Variants in TAX1BP1 observed in about 807,000 individuals in gnomAD.
TAX1BP1 encodes tax1-binding protein 1.
A neutral mutation model predicts 97.7 loss-of-function variants in TAX1BP1; 62 were observed. The ratio of observed to expected loss-of-function variants is 0.63; its 90% confidence interval spans 0.52 to 0.78. The LOEUF is 0.78. Among genes scored for constraint, TAX1BP1 ranks in the 30% least tolerant of loss-of-function variants. The pLI is 0.00. For synonymous variants in TAX1BP1, 340 were observed against 304.2 expected, an observed-to-expected ratio of 1.12 and a Z score of -1.23; for missense variants, 867 against 916.1, an observed-to-expected ratio of 0.95 and a Z score of 0.69.
At chr7:27,747,197 T>C (rs1294841018) in intron 1 of TAX1BP1, among the ~76,000 whole-genome samples, 1 of 152,204 alleles carries the variant, frequency 6.6e-6, no homozygotes, top group Non-Finnish European at 1.5e-5. Context: ...TAGTTTCTTA[T>C]GTGTATTGTA....
chr7:27,766,163 G>A (rs1788625107), intron 4 of TAX1BP1, 142 bp downstream of exon 4: 2 of 795,354 alleles, frequency 2.5e-6, no homozygotes, highest in African/African-American at 1.7e-5. Context: ...GCTCACGCCT[G>A]TAATCCCGGC....
In TAX1BP1 at chr7:27,827,706, T is replaced by C. The variant is rs769414946; in HGVS notation, c.2086-32T>C. The C allele has an allele frequency of 5.7e-6, 9 of 1,579,386 alleles. No homozygotes were observed. The South Asian group carries it at 1.0e-4, about 18-fold the overall frequency. ...AGGAATTTATATTTGGTTTTACTTT[T>C]CTTAAAAGTTCCAAAATTATTTTTC... On this transcript the variant is annotated intron_variant, in intron 15 of 16. Transcript: ENST00000396319.
In TAX1BP1 at chr7:27,806,330, C is replaced by T. The variant is rs111787146; in HGVS notation, c.1764+6240C>T. On this transcript the variant is annotated intron_variant, in intron 13 of 16. Coordinates refer to ENST00000396319, the MANE Select transcript of TAX1BP1 (RefSeq NM_006024.7). The stretch of plus-strand genomic sequence containing the variant: ...CAAACTCCTGACCTCAGGTGATCCA[C>T]CCGCCTCAGCCTTCCAAAGTGCTGG... Among the ~76,000 whole-genome samples the T allele has an allele frequency of 7.5e-3, 1,140 of 152,194 alleles. 15 individuals carry two copies. Among genetic ancestry groups the T allele is most frequent in the African/African-American group, 0.026 (1,095 of 41,534 alleles).
At chr7:27,743,679 C>A (rs1476116228) in intron 1 of TAX1BP1, among the ~76,000 whole-genome samples, 16 of 151,928 alleles carry the variant, frequency 1.1e-4, no homozygotes, top group Non-Finnish European at 2.9e-5. Flanking sequence ...GTTTTATTAC[C>A]CCCTCTAACA....
At chr7:27,816,811 C>T (rs923873765) in intron 14 of TAX1BP1, 79 bp from the exon 15 acceptor site, 137 of 1,514,878 alleles carry the variant, frequency 9.0e-5, no homozygotes, top group Non-Finnish European at 1.1e-4. Flanking sequence ...TTCTTTATAT[C>T]CTGTTCATCA....
chr7:27,744,743 T>A lies in TAX1BP1; in HGVS notation c.-7-3775T>A, dbSNP rs1787756005. On this transcript the variant is annotated intron_variant, in intron 1 of 16. Coordinates refer to ENST00000396319, the MANE Select transcript of TAX1BP1 (RefSeq NM_006024.7). ...GGGCTTGAAAAAGTTACAAGAGGAG[T>A]AAGTAAAGATAACATTGAAATGCTT... Among the ~76,000 whole-genome samples the A allele has an allele frequency of 2.0e-5, 3 of 151,894 alleles. No individual in the cohort carries two copies. The South Asian group carries it at 6.2e-4, about 32-fold the overall frequency.
chr7:27,800,206 T>A, intron 13 of TAX1BP1, 116 bp downstream of exon 13: 1 of 1,020,428 alleles, frequency 9.8e-7, no homozygotes, highest in Non-Finnish European at 1.3e-6. Context: ...TAGTTTTTTC[T>A]ACAAATAAAA....
At chr7:27,811,004 G>A (rs773685613) in intron 13 of TAX1BP1, among the ~76,000 whole-genome samples, 4 of 151,632 alleles carry the variant, frequency 2.6e-5, no homozygotes, top group African/African-American at 4.8e-5. Flanking sequence ...ATCTCTATAC[G>A]AGACCACTTA....
At chr7:27,769,050 T>G (rs942752013) in intron 4 of TAX1BP1, among the ~76,000 whole-genome samples, 6 of 151,944 alleles carry the variant, frequency 3.9e-5, no homozygotes, top group Non-Finnish European at 5.9e-5. Flanking sequence ...AACTATTAGC[T>G]GTTCCCATAA....
At chr7:27,821,316 A>C (rs1410286862) in intron 15 of TAX1BP1, among the ~76,000 whole-genome samples, 1 of 152,158 alleles carries the variant, frequency 6.6e-6, no homozygotes, top group Admixed American at 6.6e-5. Flanking sequence ...TAAACTATTT[A>C]AAATTCAGGC....
At chr7:27,770,532 G>A (rs1788806515) in intron 5 of TAX1BP1, among the ~76,000 whole-genome samples, 1 of 152,008 alleles carries the variant, frequency 6.6e-6, no homozygotes, top group East Asian at 1.9e-4. Context: ...CAGTAGAGCC[G>A]GTTGGGCATA....
chr7:27,776,980 A>G (rs1425491534), intron 5 of TAX1BP1, among the ~76,000 whole-genome samples: 1 of 151,954 alleles, frequency 6.6e-6, no homozygotes, highest in African/African-American at 2.4e-5. Flanking sequence ...TTTCATTCCT[A>G]GAAGTTTGAT....
At chr7:27,772,705 G>A (rs1788889664) in intron 5 of TAX1BP1, among the ~76,000 whole-genome samples, 1 of 151,874 alleles carries the variant, frequency 6.6e-6, no homozygotes, top group South Asian at 2.1e-4. Context: ...TAAAAGAATT[G>A]GATATGTTGG....
At chr7:27,768,517 G>A (rs1404872980) in intron 4 of TAX1BP1, among the ~76,000 whole-genome samples, 2 of 151,804 alleles carry the variant, frequency 1.3e-5, no homozygotes, top group African/African-American at 2.4e-5. Flanking sequence ...TCTATGTTGT[G>A]CTATGTCAAG....
chr7:27,809,060 G>T (rs544071936), intron 13 of TAX1BP1, among the ~76,000 whole-genome samples: 2 of 73,370 alleles, frequency 2.7e-5, no homozygotes, highest in African/African-American at 2.1e-4. Flanking sequence ...AGACAAATTT[G>T]TGATATATAT....
intron 15 of TAX1BP1, among the ~76,000 whole-genome samples, chr7:27,822,547 G>C (rs1048189350): frequency 1.3e-5 from 2 of 151,050 alleles, no homozygotes; most frequent in African/African-American, 4.9e-5. Flanking sequence ...ACTTGTTACT[G>C]TCTTTGTGAA....
intron 15 of TAX1BP1, among the ~76,000 whole-genome samples, chr7:27,823,496 A>G (rs1791056351): frequency 6.6e-6 from 1 of 152,232 alleles, no homozygotes; most frequent in Non-Finnish European, 1.5e-5. Flanking sequence ...AGGTAGAATT[A>G]CAACACAGTT....
intron 2 of TAX1BP1, among the ~76,000 whole-genome samples, chr7:27,754,749 A>AT (rs919590076): frequency 3.3e-5 from 5 of 150,838 alleles, no homozygotes; most frequent in Admixed American, 6.6e-5. Context: ...ATTTTTTTAA[A>AT]TTTTTTTTTA....
chr7:27,814,611 A>T (rs1189716166), intron 13 of TAX1BP1, among the ~76,000 whole-genome samples: 1 of 152,042 alleles, frequency 6.6e-6, no homozygotes, highest in Admixed American at 6.6e-5. Flanking sequence ...TTATCTATTG[A>T]TTTTACTCTA....
Sources: gnomAD v4.1 joint callset for allele counts (sites outside exome capture counted in the v4.1 genomes callset) on GRCh38, gnomAD v4.1.1 for gene constraint, MANE v1.5 for transcripts, NCBI Gene and HGNC (gene_info 2026-07-23, HGNC 2026-07-21) for gene names.